Variants in ZNF599 observed in about 807,000 individuals in gnomAD.
The protein encoded by ZNF599 is zinc finger protein 599.
ZNF599 carries 10 observed loss-of-function variants against 11.7 expected under a neutral mutation model. The observed-to-expected ratio is 0.86, with a 90% CI of 0.53 to 1.45. The LOEUF is 1.45. Ranked by LOEUF, ZNF599 falls within the 40% of genes most tolerant of loss-of-function variation. ZNF599 has a pLI of 0.00. For missense variants in ZNF599, 688 were observed against 713.6 expected, an observed-to-expected ratio of 0.96 and a Z score of 0.41; for synonymous variants, 232 against 253.2, an observed-to-expected ratio of 0.92 and a Z score of 0.79.
At chr19:34,760,902 G>A (rs1479959210) in intron 3 of ZNF599, among the ~76,000 whole-genome samples, 2 of 152,154 alleles carry the variant, frequency 1.3e-5, no homozygotes, top group Non-Finnish European at 2.9e-5. Context: ...GACAATGTAG[G>A]GAGGATACAC....
the ZNF599 span, among the ~76,000 whole-genome samples, chr19:34,790,362 A>T: frequency 6.6e-6 from 1 of 152,244 alleles, no homozygotes; most frequent in African/African-American, 2.4e-5. Flanking sequence ...AGTACAAAGA[A>T]TGAATGAATA....
chr19:34,772,937 CCT>C lies in ZNF599; in HGVS notation c.-98_-97del. Reference sequence around the variant, plus strand: ...GGCTCCGGCTCTGGGCTGCGAGGGACCTCAGTCCCCGCCGTCGTGTAAAATGC... The same window carrying C: ...GGCTCCGGCTCTGGGCTGCGAGGGACCAGTCCCCGCCGTCGTGTAAAATGC... On this transcript the variant is annotated 5_prime_UTR_variant, in exon 1 of 4. It removes the in-frame stop codon of an upstream open reading frame in the 5' UTR. Coordinates refer to ENST00000329285, the MANE Select transcript of ZNF599 (RefSeq NM_001007248.3). The C allele has an allele frequency of 7.6e-7, 1 of 1,322,712 alleles. No individual in the cohort carries two copies. 81.9% of individuals were successfully genotyped at this position (1,322,712 alleles called of 1,614,324 possible).
the ZNF599 span, among the ~76,000 whole-genome samples, chr19:34,797,430 A>G: frequency 6.6e-6 from 1 of 151,980 alleles, no homozygotes; most frequent in Admixed American, 6.6e-5. Context: ...AGTCCCACCA[A>G]CAGTGTAAAA....
chr19:34,790,139 T>A, the ZNF599 span, among the ~76,000 whole-genome samples: 1 of 152,226 alleles, frequency 6.6e-6, no homozygotes, highest in South Asian at 2.1e-4. Flanking sequence ...TTCAGTGCCT[T>A]TGTTAAAAAT....
At chr19:34,765,772 C>A in intron 3 of ZNF599, 1 of 675,586 alleles carries the variant, frequency 1.5e-6, no homozygotes, top group Non-Finnish European at 2.7e-6. Flanking sequence ...ATACATGGAA[C>A]ATGTGAGTGG....
intron 3 of ZNF599, among the ~76,000 whole-genome samples, chr19:34,762,404 T>C (rs1261089723): frequency 6.6e-6 from 1 of 152,226 alleles, no homozygotes; most frequent in East Asian, 1.9e-4. Flanking sequence ...GAAATGGGTA[T>C]AACCATTTTA....
chr19:34,780,821 A>C, the ZNF599 span, among the ~76,000 whole-genome samples: 1 of 151,932 alleles, frequency 6.6e-6, no homozygotes, highest in Non-Finnish European at 1.5e-5. Flanking sequence ...AGAAAGAAAG[A>C]AAGGAAAAGA....
chr19:34,764,091 C>G (rs540123155), intron 3 of ZNF599: 1 of 152,156 alleles, frequency 6.6e-6, no homozygotes, highest in East Asian at 1.9e-4. Flanking sequence ...CAAAAAAAAC[C>G]CAAAAACCAA....
At chr19:34,799,883 C>CA in the ZNF599 span, among the ~76,000 whole-genome samples, 1 of 152,358 alleles carries the variant, frequency 6.6e-6, no homozygotes, top group East Asian at 1.9e-4. Flanking sequence ...ACAATGGCTA[C>CA]ACCACTTTGC....
At chr19:34,805,131 C>A in the ZNF599 span, among the ~76,000 whole-genome samples, 1 of 152,142 alleles carries the variant, frequency 6.6e-6, no homozygotes, top group South Asian at 2.1e-4. Context: ...ACACCACTGG[C>A]CCAGACAGTC....
chr19:34,763,297 AATG>A (rs2069123348), intron 3 of ZNF599: 1 of 152,260 alleles, frequency 6.6e-6, no homozygotes, highest in African/African-American at 2.4e-5. Context: ...CGCATTGACT[AATG>A]ATGACAATGT....
chr19:34,776,043 AT>A (rs2145471858), upstream of ZNF599, among the ~76,000 whole-genome samples: 1 of 152,316 alleles, frequency 6.6e-6, no homozygotes, highest in South Asian at 2.1e-4. Context: ...TGAAATATAT[AT>A]TTGAAAGGTA....
chr19:34,800,674 C>T, the ZNF599 span, among the ~76,000 whole-genome samples: 1 of 143,254 alleles, frequency 7.0e-6, no homozygotes, highest in Non-Finnish European at 1.5e-5. Context: ...CGGCTCACTG[C>T]AACCTCTGCC....
At chr19:34,777,536 ATATATC>A (rs1276044614), upstream of ZNF599, among the ~76,000 whole-genome samples, 9 of 120,142 alleles carry the variant, frequency 7.5e-5, no homozygotes, top group African/African-American at 2.9e-4. Flanking sequence ...TATATAATCT[ATATATC>A]TATATTATAT....
chr19:34,794,285 T>C, the ZNF599 span, among the ~76,000 whole-genome samples: 2 of 152,140 alleles, frequency 1.3e-5, no homozygotes, highest in African/African-American at 4.8e-5. Context: ...AGACAAACCA[T>C]ATTACTGTAT....
At position 34,767,442 on chromosome 19, in the gene ZNF599, G is replaced by C. The variant is rs187901097; in HGVS notation, c.146-31C>G. ...CATGGAGAAACAAATGGAGTATGGT[G>C]TACAGGGAAAGACAAAAAGAAAAGT... On this transcript the variant is annotated intron_variant, in intron 2 of 3. Transcript: ENST00000329285. 5 of 1,566,178 alleles carry C rather than the reference G, an allele frequency of 3.2e-6. 1 individual carries two copies. The Middle Eastern group carries it at 6.7e-4, about 211-fold the overall frequency.
chr19:34,803,021 A>T, the ZNF599 span, among the ~76,000 whole-genome samples: 1 of 152,230 alleles, frequency 6.6e-6, no homozygotes, highest in Non-Finnish European at 1.5e-5. Flanking sequence ...AATTCCTGGT[A>T]TAGGAAGACA....
At chr19:34,769,616 C>G in intron 1 of ZNF599, 61 bp from the exon 2 acceptor site, 1 of 1,573,842 alleles carries the variant, frequency 6.4e-7, no homozygotes, top group Non-Finnish European at 8.6e-7. Flanking sequence ...TTACAGCTCA[C>G]TTCTTGGTTA....
chr19:34,795,688 G>A, the ZNF599 span, among the ~76,000 whole-genome samples: 5 of 152,214 alleles, frequency 3.3e-5, no homozygotes, highest in African/African-American at 1.2e-4. Context: ...CCAGAAGATA[G>A]TCTAGAGCCA....
Sources: allele counts gnomAD v4.1 joint callset (sites outside exome capture counted in the v4.1 genomes callset), GRCh38; gene constraint gnomAD v4.1.1; transcripts MANE v1.5; gene names NCBI Gene and HGNC (gene_info 2026-07-23, HGNC 2026-07-21).